TTC28: variants seen among roughly 807,000 people sequenced by gnomAD.
TTC28 encodes tetratricopeptide repeat protein 28.
A neutral mutation model predicts 198.0 loss-of-function variants in TTC28; 61 were observed. The ratio of observed to expected loss-of-function variants is 0.31; its 90% CI spans 0.25 to 0.38. The LOEUF is 0.38. TTC28 is among the 10% of genes least tolerant of loss of function. The probability of loss-of-function intolerance (pLI) is 1.00; values close to 1 mark genes in which losing one functional copy is unlikely to be tolerated. For missense variants in TTC28, 2,678 were observed against 3,164.0 expected (o/e 0.85, Z 3.69); for synonymous variants, 1,171 against 1,297.8 (o/e 0.90, Z 2.10).
chr22:27,985,175 T>C, intron 22 of TTC28, 74 bp downstream of exon 22: 1 of 1,076,434 alleles, frequency 9.3e-7, no homozygotes, highest in South Asian at 1.4e-5. Context: ...TCCCAAAATG[T>C]ATGTGCTGGT....
chr22:28,068,129 A>G (rs1940832096), intron 12 of TTC28, among the ~76,000 whole-genome samples: 2 of 152,184 alleles, frequency 1.3e-5, no homozygotes, highest in Non-Finnish European at 2.9e-5. Flanking sequence ...CATTACAATT[A>G]AAGACTTTTC....
intron 5 of TTC28, among the ~76,000 whole-genome samples, chr22:28,208,959 C>T (rs774064466): frequency 5.9e-5 from 9 of 152,148 alleles, no homozygotes; most frequent in Non-Finnish European, 1.2e-4. Context: ...TGGGATCTGC[C>T]AGAGACAATT....
intron 6 of TTC28, among the ~76,000 whole-genome samples, chr22:28,132,275 A>G (rs1450157374): frequency 6.6e-6 from 1 of 152,236 alleles, no homozygotes; most frequent in African/African-American, 2.4e-5. Flanking sequence ...ACACATTTTA[A>G]TAAGACAAAT....
intron 5 of TTC28, among the ~76,000 whole-genome samples, chr22:28,226,656 G>A (rs1014287211): frequency 8.5e-5 from 13 of 152,130 alleles, no homozygotes; most frequent in African/African-American, 3.1e-4. Flanking sequence ...TTTAACTCCT[G>A]ACCTCAAGTG....
intron 2 of TTC28, among the ~76,000 whole-genome samples, chr22:28,319,144 A>G (rs2045403968): frequency 6.6e-6 from 1 of 152,124 alleles, no homozygotes; most frequent in Non-Finnish European, 1.5e-5. Context: ...TTTATTCTGT[A>G]GAAAAATGTG....
At chr22:28,295,140 A>T (rs927118911) in intron 5 of TTC28, among the ~76,000 whole-genome samples, 3 of 152,148 alleles carry the variant, frequency 2.0e-5, no homozygotes, top group Non-Finnish European at 4.4e-5. Flanking sequence ...TGGCCCTTCA[A>T]TAGTCTGTTT....
At chr22:28,274,973 T>C (rs1243420585) in intron 5 of TTC28, among the ~76,000 whole-genome samples, 4 of 117,412 alleles carry the variant, frequency 3.4e-5, no homozygotes, top group South Asian at 5.9e-4. Context: ...AGTGAGACTG[T>C]CTTAAAAAAA....
intron 2 of TTC28, among the ~76,000 whole-genome samples, chr22:28,392,385 G>C (rs1292056162): frequency 1.4e-4 from 21 of 152,286 alleles, no homozygotes; most frequent in African/African-American, 4.3e-4. Context: ...TCGAGCTTCT[G>C]GGCTGCTTTG....
At chr22:28,105,849 G>T (rs1942281639) in intron 7 of TTC28, 47 bp from the exon 8 acceptor site, 1 of 1,495,666 alleles carries the variant, frequency 6.7e-7, no homozygotes, top group Non-Finnish European at 8.9e-7. Context: ...TCATGCAGGT[G>T]CAGACATGCT....
intron 5 of TTC28, among the ~76,000 whole-genome samples, chr22:28,230,109 G>A (rs1263889329): frequency 6.6e-6 from 1 of 152,166 alleles, no homozygotes; most frequent in East Asian, 1.9e-4. Context: ...TCTGCATCCT[G>A]CAAGAGCAGA....
intron 2 of TTC28, among the ~76,000 whole-genome samples, chr22:28,473,074 CA>C (rs1193511016): frequency 1.3e-5 from 2 of 151,160 alleles, no homozygotes; most frequent in African/African-American, 4.9e-5. Context: ...ATGCATAATC[CA>C]AAAAAATAAA....
intron 2 of TTC28, among the ~76,000 whole-genome samples, chr22:28,446,324 T>C (rs916768780): frequency 4.6e-5 from 7 of 152,302 alleles, no homozygotes; most frequent in Admixed American, 4.6e-4. Context: ...TTCCATTCCA[T>C]ATAAAGATAC....
At position 28,532,249 on chromosome 22, in the gene TTC28, C is replaced by G. The variant is rs538701058; in HGVS notation, c.381+97303G>C. Among the ~76,000 whole-genome samples, 82 of 151,470 alleles carry G rather than the reference C, an allele frequency of 5.4e-4. 1 individual carries two copies. The South Asian group carries it at 0.012, about 23-fold the overall frequency. On this transcript the variant is annotated intron_variant, in intron 2 of 22. Coordinates refer to ENST00000397906, the MANE Select transcript of TTC28 (RefSeq NM_001145418.2). ...TACCACCACCGATCCCACGGAAATACAAACTACCATCAGAGAATATTATAA... is the reference window on the plus strand; with the variant it reads ...TACCACCACCGATCCCACGGAAATAGAAACTACCATCAGAGAATATTATAA...
intron 12 of TTC28, among the ~76,000 whole-genome samples, chr22:28,078,227 G>T (rs909359369): frequency 6.6e-5 from 10 of 152,170 alleles, no homozygotes; most frequent in East Asian, 1.9e-4. Context: ...AAAACAGTCT[G>T]CAGAATAACA....
intron 2 of TTC28, among the ~76,000 whole-genome samples, chr22:28,405,694 C>A (rs1290085233): frequency 6.6e-6 from 1 of 152,172 alleles, no homozygotes; most frequent in Non-Finnish European, 1.5e-5. Context: ...AGGTAAGGGG[C>A]AGGACTCAAC....
At chr22:28,157,191 G>C (rs1392040701) in intron 6 of TTC28, among the ~76,000 whole-genome samples, 1 of 152,028 alleles carries the variant, frequency 6.6e-6, no homozygotes, top group Non-Finnish European at 1.5e-5. Context: ...CAATTAAGTT[G>C]GAAAATCTAG....
chr22:28,337,830 G>C (rs1407855811), intron 2 of TTC28, among the ~76,000 whole-genome samples: 1 of 152,108 alleles, frequency 6.6e-6, no homozygotes, highest in Non-Finnish European at 1.5e-5. Flanking sequence ...GGAGCATTTA[G>C]CCCATTTACA....
chr22:28,334,402 T>C (rs2045671662), intron 2 of TTC28, among the ~76,000 whole-genome samples: 1 of 152,196 alleles, frequency 6.6e-6, no homozygotes, highest in South Asian at 2.1e-4. Flanking sequence ...GTATTTCTAG[T>C]TCTAGATCCC....
At chr22:28,143,200 T>C (rs1943382640) in intron 6 of TTC28, among the ~76,000 whole-genome samples, 1 of 152,172 alleles carries the variant, frequency 6.6e-6, no homozygotes, top group Non-Finnish European at 1.5e-5. Flanking sequence ...TAGAGCATGG[T>C]AGGGGCTCAA....
Sources: allele counts gnomAD v4.1 joint callset (sites outside exome capture counted in the v4.1 genomes callset), GRCh38; gene constraint gnomAD v4.1.1; transcripts MANE v1.5; gene names NCBI Gene and HGNC (gene_info 2026-07-23, HGNC 2026-07-21).